SYT1: variants seen among roughly 807,000 people sequenced by gnomAD.
SYT1 encodes the protein synaptotagmin-1.
SYT1 carries 8 observed loss-of-function variants against 44.8 expected under a neutral mutation model. The ratio of observed to expected loss-of-function variants is 0.18; its 90% CI spans 0.10 to 0.32. The LOEUF (loss-of-function observed/expected upper bound fraction) is 0.32. Among genes scored for constraint, SYT1 ranks in the 10% least tolerant of loss-of-function variants. The probability of loss-of-function intolerance (pLI) is 1.00; values close to 1 mark genes in which losing one functional copy is unlikely to be tolerated. For synonymous variants in SYT1, 154 were observed against 188.8 expected (o/e 0.82, Z 1.51); for missense variants, 286 against 509.3 (o/e 0.56, Z 4.22).
intron 1 of SYT1, among the ~76,000 whole-genome samples, chr12:78,972,959 T>G (rs1868484848): frequency 6.6e-6 from 1 of 152,142 alleles, no homozygotes; most frequent in African/African-American, 2.4e-5. Flanking sequence ...TCTACAATAA[T>G]CGAACTTAAA....
intron 1 of SYT1, among the ~76,000 whole-genome samples, chr12:78,949,633 C>T (rs1878857546): frequency 6.6e-6 from 1 of 151,888 alleles, no homozygotes; most frequent in South Asian, 2.1e-4. Flanking sequence ...TGGGTTATTG[C>T]AGACATAAAA....
At chr12:79,102,017 A>G (rs1202556057) in intron 3 of SYT1, among the ~76,000 whole-genome samples, 1 of 152,182 alleles carries the variant, frequency 6.6e-6, no homozygotes, top group Non-Finnish European at 1.5e-5. Flanking sequence ...TCTTAAAATT[A>G]CCTATTCATA....
chr12:79,067,677 G>A (rs909403178), intron 3 of SYT1, among the ~76,000 whole-genome samples: 1 of 152,020 alleles, frequency 6.6e-6, no homozygotes, highest in African/African-American at 2.4e-5. Context: ...GGGATTCCAG[G>A]TAAAACATCA....
At chr12:79,051,360 G>A (rs1054496331) in intron 3 of SYT1, among the ~76,000 whole-genome samples, 1 of 149,398 alleles carries the variant, frequency 6.7e-6, no homozygotes, top group Non-Finnish European at 1.5e-5. Flanking sequence ...TATGTATAAA[G>A]AGAGCTCATT....
intron 2 of SYT1, among the ~76,000 whole-genome samples, chr12:78,993,275 A>G (rs527678757): frequency 1.3e-5 from 2 of 152,360 alleles, no homozygotes; most frequent in South Asian, 4.1e-4. Flanking sequence ...ACTGAGCTGC[A>G]TAATCATTTG....
intron 3 of SYT1, among the ~76,000 whole-genome samples, chr12:79,167,881 T>G (rs1871306823): frequency 6.6e-6 from 1 of 151,968 alleles, no homozygotes; most frequent in Non-Finnish European, 1.5e-5. Flanking sequence ...TCATCAGGCA[T>G]TAGATTCTCA....
intron 9 of SYT1, among the ~76,000 whole-genome samples, chr12:79,430,152 A>G (rs1869693490): frequency 1.3e-5 from 2 of 152,292 alleles, no homozygotes; most frequent in Middle Eastern, 3.4e-3. Context: ...AACATGAAAG[A>G]TGATGTTTAG....
At chr12:78,923,678 AC>A (rs898682291) in intron 1 of SYT1, among the ~76,000 whole-genome samples, 3 of 147,208 alleles carry the variant, frequency 2.0e-5, no homozygotes, top group South Asian at 2.2e-4. Flanking sequence ...CTCTCTCTCC[AC>A]CCCCCCTTTC....
intron 4 of SYT1, among the ~76,000 whole-genome samples, chr12:79,273,023 A>G (rs959914564): frequency 6.6e-6 from 1 of 152,138 alleles, no homozygotes; most frequent in Non-Finnish European, 1.5e-5. Context: ...TAAGAAGAAA[A>G]GACAGTTTTT....
intron 4 of SYT1, among the ~76,000 whole-genome samples, chr12:79,267,652 A>G (rs190436206): frequency 1.6e-3 from 237 of 152,344 alleles, no homozygotes; most frequent in Non-Finnish European, 2.5e-3. Flanking sequence ...CACAGCATGA[A>G]TGAAAACTGT....
chr12:78,974,872 A>G (rs1245028238), intron 1 of SYT1, among the ~76,000 whole-genome samples: 2 of 152,202 alleles, frequency 1.3e-5, no homozygotes, highest in East Asian at 3.9e-4. Context: ...AAGAGCAACT[A>G]AAGAAATTAG....
chr12:79,385,708 G>A (rs1403485075), intron 9 of SYT1, among the ~76,000 whole-genome samples: 3 of 149,094 alleles, frequency 2.0e-5, no homozygotes, highest in African/African-American at 7.3e-5. Context: ...TCAACCAACT[G>A]TGGTTATACA....
intron 4 of SYT1, among the ~76,000 whole-genome samples, chr12:79,277,906 A>G (rs1485551369): frequency 6.6e-6 from 1 of 152,074 alleles, no homozygotes; most frequent in Non-Finnish European, 1.5e-5. Context: ...AACAGCAGTA[A>G]TAAAGACAAA....
rs950469089 is a variant in SYT1 at position 79,069,944 on chromosome 12, A to G, written c.-18+22582A>G. On this transcript the variant is annotated intron_variant, in intron 3 of 10. Transcript: ENST00000261205. ...AATCAATAAATAATAAATGAGAAAAATAAAGAGATGCTCAAATATAACCTT... is the reference window on the plus strand; with the variant it reads ...AATCAATAAATAATAAATGAGAAAAGTAAAGAGATGCTCAAATATAACCTT... Among the ~76,000 whole-genome samples the G allele has an allele frequency of 3.3e-5, 5 of 152,296 alleles. No individual in the cohort carries two copies. In the East Asian group the frequency reaches 9.6e-4, roughly 29 times the overall value.
intron 2 of SYT1, chr12:79,046,249 T>C (rs1874046449): frequency 6.6e-6 from 1 of 152,232 alleles, no homozygotes; most frequent in Non-Finnish European, 1.5e-5. Context: ...TATTTTATGC[T>C]GAGTTACCTA....
intron 9 of SYT1, among the ~76,000 whole-genome samples, chr12:79,426,107 AAACC>A (rs1869432593): frequency 6.6e-6 from 1 of 152,118 alleles, no homozygotes; most frequent in Admixed American, 6.5e-5. Flanking sequence ...AGCCTTTCTG[AAACC>A]AGACTTGGAG....
At chr12:79,387,859 T>C (rs1478185680) in intron 9 of SYT1, among the ~76,000 whole-genome samples, 2 of 152,234 alleles carry the variant, frequency 1.3e-5, no homozygotes, top group African/African-American at 4.8e-5. Context: ...TTTTGAAAAC[T>C]TCTATAATAT....
At chr12:78,904,323 T>C (rs1875834891) in intron 1 of SYT1, among the ~76,000 whole-genome samples, 1 of 152,130 alleles carries the variant, frequency 6.6e-6, no homozygotes, top group African/African-American at 2.4e-5. Context: ...GGAAAGCTAA[T>C]GGAAAGCTTA....
At chr12:79,095,791 G>A (rs1169369938) in intron 3 of SYT1, among the ~76,000 whole-genome samples, 2 of 151,860 alleles carry the variant, frequency 1.3e-5, no homozygotes, top group Non-Finnish European at 2.9e-5. Context: ...AACTGTTAGG[G>A]ACAAAGGCAA....
Sources: gnomAD v4.1 joint callset for allele counts (sites outside exome capture counted in the v4.1 genomes callset) on GRCh38, gnomAD v4.1.1 for gene constraint, MANE v1.5 for transcripts, NCBI Gene and HGNC (gene_info 2026-07-23, HGNC 2026-07-21) for gene names.